The following C1orf159 variants were observed in gnomAD, a reference collection of about 807,000 sequenced individuals.
The protein encoded by C1orf159 is uncharacterized protein C1orf159.
Under a neutral mutation model 25.6 loss-of-function variants are expected in C1orf159, and 19 were observed. The ratio of observed to expected loss-of-function variants is 0.74; its 90% CI spans 0.52 to 1.09. The LOEUF is 1.09. Among genes scored for constraint, C1orf159 ranks in the 50% least tolerant of loss-of-function variants. The pLI is 0.00. For synonymous variants in C1orf159, 139 were observed against 124.7 expected (o/e 1.12, Z -0.77); for missense variants, 274 against 290.6 (o/e 0.94, Z 0.42).
intron 1 of C1orf159, among the ~76,000 whole-genome samples, 158 bp downstream of exon 1, chr1:1,115,902 G>A (rs1195863878): frequency 6.6e-6 from 1 of 150,726 alleles, no homozygotes; most frequent in African/African-American, 2.4e-5. Context: ...TCCTCCGCGC[G>A]CCGCACAATG....
At chr1:1,099,961 G>C (rs1488716813) in intron 1 of C1orf159, among the ~76,000 whole-genome samples, 1 of 152,220 alleles carries the variant, frequency 6.6e-6, no homozygotes, top group Non-Finnish European at 1.5e-5. Context: ...TATTTAAAGT[G>C]CATCTTTTAG....
In C1orf159 at chr1:1,089,612, C is replaced by A. The variant is rs567384135; in HGVS notation, c.148+741G>T. On this transcript the variant is annotated intron_variant, in intron 4 of 9. Transcript: ENST00000421241. The surrounding 1 kb of genome is among the most constrained non-coding windows in gnomAD (Gnocchi z 7.5). ...TGACCACGCCCTCCTCACGAGGCCC[C>A]TGAGTCCCCAGGAGCAGCCCTTCTG... Among the ~76,000 whole-genome samples the A allele has an allele frequency of 2.5e-4, 38 of 152,306 alleles. No homozygotes were observed. The highest frequency in any genetic ancestry group is 8.9e-4 in the African/African-American group (37 of 41,578).
chr1:1,105,992 A>G (rs942819230), intron 1 of C1orf159: 3 of 152,268 alleles, frequency 2.0e-5, no homozygotes, highest in Non-Finnish European at 4.4e-5. Flanking sequence ...AGCACGGAAT[A>G]TAACTGGAGT....
intron 1 of C1orf159, among the ~76,000 whole-genome samples, chr1:1,112,649 T>C (rs1296436319): frequency 1.3e-5 from 2 of 152,034 alleles, no homozygotes; most frequent in East Asian, 3.9e-4. Flanking sequence ...GCTCCCTCCC[T>C]CCAGGGAACA....
At position 1,110,110 on chromosome 1, in the gene C1orf159, G is replaced by A. The variant is rs1646237229; in HGVS notation, c.-136+5950C>T. On this transcript the variant is annotated intron_variant, in intron 1 of 9. Transcript: ENST00000421241. The surrounding 1 kb of genome is among the most constrained non-coding windows in gnomAD (Gnocchi z 4.8). ...TTAACCCCGGCCTGGCACGGCCTTA[G>A]GTCCTGATTATAACTCGGCGTCTTA... Among the ~76,000 whole-genome samples the A allele has an allele frequency of 6.6e-6, 1 of 152,228 alleles. No individual in the cohort carries two copies. Among genetic ancestry groups the A allele is most frequent in the Non-Finnish European group, 1.5e-5 (1 of 68,052 alleles).
At chr1:1,113,885 T>A (rs1246537460) in intron 1 of C1orf159, among the ~76,000 whole-genome samples, 1 of 150,422 alleles carries the variant, frequency 6.6e-6, no homozygotes, top group East Asian at 2.0e-4. Context: ...CAGAGTTTAC[T>A]GGAGTTGTGC....
intron 1 of C1orf159, among the ~76,000 whole-genome samples, chr1:1,108,604 C>T (rs369279146): frequency 0.043 from 4,030 of 94,296 alleles, 14 homozygotes; most frequent in African/African-American, 0.12. Flanking sequence ...GTCTCGGCAC[C>T]GTTCACCACA....
intron 1 of C1orf159, among the ~76,000 whole-genome samples, chr1:1,099,538 G>A (rs1472993427): frequency 8.9e-5 from 12 of 135,180 alleles, no homozygotes; most frequent in African/African-American, 2.7e-4. Context: ...TTGGTCTATT[G>A]TTCTAAGAAA....
chr1:1,089,910 C>T lies in C1orf159; in HGVS notation c.148+443G>A, dbSNP rs142726597. On this transcript the variant is annotated intron_variant, in intron 4 of 9. Transcript: ENST00000421241. The surrounding 1 kb of genome is among the most constrained non-coding windows in gnomAD (Gnocchi z 7.5). ...CTGCCCGTGGCACGCTGACACAGGC[C>T]GGCATCCTCGTGGCGTCCTGTTGAT... 5.6e-4 allele frequency among the ~76,000 whole-genome samples: 86 copies of T among 152,312 alleles called. No homozygotes were observed. The highest frequency in any genetic ancestry group is 3.7e-3 in the East Asian group (19 of 5,180).
chr1:1,092,914 G>A (rs1645961768), intron 1 of C1orf159: 2 of 152,194 alleles, frequency 1.3e-5, no homozygotes, highest in Admixed American at 6.5e-5. Context: ...GTCGAGCCTG[G>A]TGGTGGGAGC....
intron 1 of C1orf159, among the ~76,000 whole-genome samples, chr1:1,095,423 T>C (rs1220317269): frequency 6.6e-6 from 1 of 152,272 alleles, no homozygotes; most frequent in Non-Finnish European, 1.5e-5. Flanking sequence ...ACTAAGATTT[T>C]ACTTTTTGTT....
chr1:1,101,222 G>A (rs775445154), intron 1 of C1orf159, among the ~76,000 whole-genome samples: 7 of 152,002 alleles, frequency 4.6e-5, no homozygotes, highest in Admixed American at 2.6e-4. Context: ...GGCAGCTCAC[G>A]CCTGTAATCC....
chr1:1,107,072 G>T (rs974541366), intron 1 of C1orf159, among the ~76,000 whole-genome samples: 1 of 151,704 alleles, frequency 6.6e-6, no homozygotes, highest in East Asian at 1.9e-4. Flanking sequence ...CACACAGCCC[G>T]AGCCTCCCCA....
At chr1:1,083,607 G>A (rs2100737822) in intron 9 of C1orf159, 3 of 378,716 alleles carry the variant, frequency 7.9e-6, no homozygotes, top group Non-Finnish European at 1.4e-5. Context: ...TTTGCCCCTT[G>A]GTTTTGGACT....
Position 1,082,682 on chromosome 1 carries a change from C to G in C1orf159, c.*211G>C, listed in dbSNP as rs1017700797. On this transcript the variant is annotated 3_prime_UTR_variant, in exon 10 of 10. Transcript: ENST00000421241. ...GTCTCATGGATGCCTGCTCCTGGTC[C>G]GATAAACGAGATGGCTGTGGTGGGG... is the stretch of plus-strand genomic sequence containing the variant. The G allele has an allele frequency of 3.4e-6, 2 of 584,422 alleles. No individual in the cohort carries two copies. Among genetic ancestry groups the G allele is most frequent in the Non-Finnish European group, 6.1e-6 (2 of 325,614 alleles). The allele number at this position is 584,422 out of a possible 1,614,324, so 36.2% of individuals were successfully genotyped here.
chr1:1,107,286 A>G (rs1036289622), intron 1 of C1orf159, among the ~76,000 whole-genome samples: 3 of 152,238 alleles, frequency 2.0e-5, no homozygotes, highest in African/African-American at 7.2e-5. Context: ...TGCACCAATC[A>G]GCACTCCGTG....
chr1:1,106,004 C>T (rs561343873), intron 1 of C1orf159: 37 of 152,212 alleles, frequency 2.4e-4, no homozygotes, highest in African/African-American at 7.0e-4. Context: ...AACTGGAGTC[C>T]GCTCGCTGAG....
At chr1:1,107,590 G>A (rs552338152) in intron 1 of C1orf159, among the ~76,000 whole-genome samples, 2 of 152,282 alleles carry the variant, frequency 1.3e-5, no homozygotes, top group South Asian at 2.1e-4. Flanking sequence ...GATCGTAAAC[G>A]CACTAATCAG....
intron 2 of C1orf159, 41 bp downstream of exon 2, chr1:1,091,950 T>C (rs1205164320): frequency 2.2e-6 from 1 of 454,950 alleles, no homozygotes; most frequent in East Asian, 6.7e-5. Flanking sequence ...GCTTGGGGCC[T>C]TTGGAGGCAC....
Sources: allele counts gnomAD v4.1 joint callset (sites outside exome capture counted in the v4.1 genomes callset), GRCh38; gene constraint gnomAD v4.1.1; non-coding constraint Gnocchi (gnomAD v3.1); transcripts MANE v1.5; gene names NCBI Gene and HGNC (gene_info 2026-07-23, HGNC 2026-07-21).